The following EPM2A variants were observed in gnomAD, a reference collection of about 807,000 sequenced individuals.
The protein encoded by EPM2A is laforin.
In EPM2A, 21 loss-of-function variants were observed where a neutral mutation model predicts 26.5. That is an observed-to-expected ratio of 0.79 (90% CI 0.56 to 1.14). The LOEUF (loss-of-function observed/expected upper bound fraction) is 1.14. EPM2A is among the 50% of genes most tolerant of loss of function. EPM2A has a pLI of 0.00. For missense variants in EPM2A, 458 were observed against 440.8 expected (o/e 1.04, Z -0.35); for synonymous variants, 217 against 177.6 (o/e 1.22, Z -1.76).
chr6:145,578,514 CCAATAA>C (rs2114833408), intron 2 of EPM2A, among the ~76,000 whole-genome samples: 2 of 152,202 alleles, frequency 1.3e-5, no homozygotes, highest in South Asian at 4.1e-4. Flanking sequence ...CCTGAACAGA[CCAATAA>C]CAAGTAATGA....
At chr6:145,544,130 A>G (rs1482750199) in intron 2 of EPM2A, among the ~76,000 whole-genome samples, 1 of 152,168 alleles carries the variant, frequency 6.6e-6, no homozygotes. Flanking sequence ...AGCAGGCAGA[A>G]CCCAGAAAAT....
In EPM2A at chr6:145,443,064, G is replaced by A. The variant is rs1779086479; in HGVS notation, c.556-58967C>T. Among the ~76,000 whole-genome samples the A allele has an allele frequency of 1.3e-5, 2 of 151,724 alleles. 1 individual carries two copies. The highest frequency in any genetic ancestry group is 4.2e-4 in the South Asian group (2 of 4,798). On this transcript the variant is annotated intron_variant, in intron 4 of 4. Transcript: ENST00000638717. ...GTGTGTGTGTTTTTAGTAGAGATGG[G>A]GTTTCACCATGTTAGACATGATGGT... is the stretch of plus-strand genomic sequence containing the variant.
intron 4 of EPM2A, among the ~76,000 whole-genome samples, chr6:145,469,642 C>A (rs371282022): frequency 6.6e-6 from 1 of 151,976 alleles, no homozygotes; most frequent in Admixed American, 6.6e-5. Flanking sequence ...AAAGTAGGGT[C>A]GTACAATCCA....
chr6:145,450,350 CAAAAAA>C (rs368618860), intron 4 of EPM2A, among the ~76,000 whole-genome samples: 3 of 62,490 alleles, frequency 4.8e-5, no homozygotes, highest in South Asian at 1.2e-3. Flanking sequence ...GACTCCGTCT[CAAAAAA>C]AAAAAAAAAA....
chr6:145,441,001 T>C (rs1420017746), intron 4 of EPM2A, among the ~76,000 whole-genome samples: 1 of 152,226 alleles, frequency 6.6e-6, no homozygotes, highest in African/African-American at 2.4e-5. Flanking sequence ...GGACTCTGTA[T>C]GGTGACTCCA....
At chr6:145,557,678 A>G (rs1455924150) in intron 2 of EPM2A, among the ~76,000 whole-genome samples, 1 of 152,124 alleles carries the variant, frequency 6.6e-6, no homozygotes, top group Admixed American at 6.6e-5. Context: ...TATACATTGC[A>G]TCATAGCTAA....
At chr6:145,522,963 T>G (rs554936035) in intron 2 of EPM2A, among the ~76,000 whole-genome samples, 1 of 152,202 alleles carries the variant, frequency 6.6e-6, no homozygotes, top group African/African-American at 2.4e-5. Flanking sequence ...CAAAGACAAC[T>G]CAAGCACGCT....
chr6:145,602,419 T>G (rs926089575), intron 2 of EPM2A, among the ~76,000 whole-genome samples: 4 of 152,246 alleles, frequency 2.6e-5, no homozygotes, highest in Admixed American at 2.6e-4. Context: ...ATAGATCTAA[T>G]GACTGGAAGA....
intron 2 of EPM2A, among the ~76,000 whole-genome samples, chr6:145,617,836 A>G (rs1395829431): frequency 6.6e-6 from 1 of 152,172 alleles, no homozygotes; most frequent in Admixed American, 6.5e-5. Flanking sequence ...CAGATACTCA[A>G]GAAGCTGAGG....
At chr6:145,392,235 C>G (rs577684944) in intron 4 of EPM2A, among the ~76,000 whole-genome samples, 4 of 152,064 alleles carry the variant, frequency 2.6e-5, no homozygotes, top group Admixed American at 6.6e-5. Flanking sequence ...AGTGTGAGAC[C>G]TTTTGTAATT....
intron 4 of EPM2A, among the ~76,000 whole-genome samples, chr6:145,388,288 T>A (rs1778289854): frequency 6.6e-6 from 1 of 152,136 alleles, no homozygotes; most frequent in African/African-American, 2.4e-5. Context: ...AGAGTTCTTT[T>A]AGAACGGCCC....
intron 4 of EPM2A, among the ~76,000 whole-genome samples, chr6:145,474,584 A>T (rs1779518943): frequency 6.6e-6 from 1 of 152,152 alleles, no homozygotes. Context: ...TGACTAAAAC[A>T]CCAAAAGCAA....
intron 1 of EPM2A, among the ~76,000 whole-genome samples, chr6:145,703,172 A>G (rs1782023507): frequency 6.6e-6 from 1 of 151,398 alleles, no homozygotes; most frequent in South Asian, 2.1e-4. Flanking sequence ...ACTCACTGCA[A>G]GCTCTGCCTC....
chr6:145,425,764 G>A (rs1187258389), intron 4 of EPM2A, among the ~76,000 whole-genome samples: 6 of 152,230 alleles, frequency 3.9e-5, no homozygotes, highest in Middle Eastern at 3.4e-3. Flanking sequence ...TTGAAGACAC[G>A]TAGCCACTGG....
chr6:145,457,783 A>G (rs1383203487), intron 4 of EPM2A, among the ~76,000 whole-genome samples: 1 of 152,208 alleles, frequency 6.6e-6, no homozygotes, highest in East Asian at 1.9e-4. Context: ...AGCCAGTCTG[A>G]TAAATGTTAT....
chr6:145,490,494 A>G (rs1229060903), intron 4 of EPM2A: 1 of 722,524 alleles, frequency 1.4e-6, no homozygotes, highest in Non-Finnish European at 2.6e-6. Flanking sequence ...TAAAATGTCC[A>G]GAACAGTCAA....
chr6:145,586,066 G>A (rs527758024), intron 2 of EPM2A, among the ~76,000 whole-genome samples: 1 of 152,220 alleles, frequency 6.6e-6, no homozygotes, highest in East Asian at 1.9e-4. Context: ...TGGGCCCTCA[G>A]CTTCAGCTTC....
At chr6:145,581,368 T>A (rs1781110995) in intron 2 of EPM2A, among the ~76,000 whole-genome samples, 1 of 152,188 alleles carries the variant, frequency 6.6e-6, no homozygotes, top group Non-Finnish European at 1.5e-5. Flanking sequence ...TTACTTTTTT[T>A]AAGTTCCTTA....
At chr6:145,634,016 A>G (rs998678230) in intron 3 of EPM2A, 11 of 152,352 alleles carry the variant, frequency 7.2e-5, no homozygotes, top group African/African-American at 2.4e-4. Flanking sequence ...TGAGAATTAA[A>G]TAAGCTAATT....
Sources: allele counts gnomAD v4.1 joint callset (sites outside exome capture counted in the v4.1 genomes callset), GRCh38; gene constraint gnomAD v4.1.1; transcripts MANE v1.5; gene names NCBI Gene and HGNC (gene_info 2026-07-23, HGNC 2026-07-21).